The following CPSF4 variants were observed in gnomAD, a reference collection of about 807,000 sequenced individuals.
CPSF4 encodes the protein cleavage and polyadenylation specific factor 4.
CPSF4 carries 11 observed loss-of-function variants against 37.7 expected under a neutral mutation model. That is an observed-to-expected ratio of 0.29 (90% CI 0.18 to 0.48). The LOEUF is 0.48. CPSF4 is among the 20% of genes least tolerant of loss of function. CPSF4 has a pLI of 0.99. For missense variants in CPSF4, 144 were observed against 359.5 expected (o/e 0.40, Z 4.85); for synonymous variants, 132 against 135.9 (o/e 0.97, Z 0.20).
In CPSF4 at chr7:99,441,251, G is replaced by T. The variant is rs371414313; in HGVS notation, c.103+2066G>T. ...CGGGCATAAGCCACTGTGCCCAGCC[G>T]GCCTTTTCCTGTCTTGATGGCACTA... On this transcript the variant is annotated intron_variant, in intron 1 of 7. Transcript: ENST00000292476. The T allele has an allele frequency of 8.2e-6, 3 of 365,694 alleles. No individual in the cohort carries two copies. The Admixed American group carries it at 9.9e-5, about 12-fold the overall frequency. 22.7% of individuals were successfully genotyped at this position (365,694 alleles called of 1,614,324 possible).
At position 99,456,778 on chromosome 7, in the gene CPSF4, CAGGG is replaced by C. The variant is rs1194150149; in HGVS notation, c.*286_*289del. On this transcript the variant is annotated 3_prime_UTR_variant, in exon 8 of 8. Transcript: ENST00000292476. Reference sequence around the variant, plus strand: ...GACTCCCGGCACAACTCCCCTCATCCAGGGAGGGAGGCAGCTGCTGGGGAGGGGC... The same window carrying C: ...GACTCCCGGCACAACTCCCCTCATCCAGGGAGGCAGCTGCTGGGGAGGGGC... The C allele has an allele frequency of 1.3e-5, 7 of 519,124 alleles. No individual in the cohort carries two copies. Among genetic ancestry groups the C allele is most frequent in the Non-Finnish European group, 2.1e-5 (6 of 280,614 alleles). 32.2% of individuals were successfully genotyped at this position (519,124 alleles called of 1,614,324 possible).
At position 99,454,645 on chromosome 7, in the gene CPSF4, A is replaced by T. The variant is rs576765665; in HGVS notation, c.741+509A>T. ...ACTCCTGGCTCTGTGGGAAGCGGGG[A>T]AAGGGGAGGAAAATCTCTTGATAGT... On this transcript the variant is annotated intron_variant, in intron 7 of 7. Coordinates refer to ENST00000292476, the MANE Select transcript of CPSF4 (RefSeq NM_006693.4). 5.9e-5 allele frequency among the ~76,000 whole-genome samples: 9 copies of T among 152,236 alleles called. No individual in the cohort carries two copies. In the East Asian group the frequency reaches 1.7e-3, roughly 29 times the overall value.
chr7:99,454,423 T>C (rs1485553732), intron 7 of CPSF4, among the ~76,000 whole-genome samples: 2 of 151,828 alleles, frequency 1.3e-5, no homozygotes, highest in African/African-American at 2.4e-5. Flanking sequence ...GGGAACAAAA[T>C]AGAAACACTG....
At chr7:99,452,102 G>A (rs763837634) in intron 5 of CPSF4, among the ~76,000 whole-genome samples, 1 of 152,254 alleles carries the variant, frequency 6.6e-6, no homozygotes, top group Middle Eastern at 3.4e-3. Context: ...CACTGGCCAT[G>A]AGTCTCCCAG....
In CPSF4 at chr7:99,456,824, G is replaced by A; in HGVS notation, c.*324G>A. 2.3e-6 allele frequency: 1 copy of A among 438,490 alleles called. No individual in the cohort carries two copies. Among genetic ancestry groups the A allele is most frequent in the Non-Finnish European group, 4.3e-6 (1 of 233,278 alleles). 27.2% of individuals were successfully genotyped at this position (438,490 alleles called of 1,614,324 possible). A position where few individuals can be genotyped will look rare whatever the true frequency, so the allele number is the denominator to read the frequency against. Reference sequence around the variant, plus strand: ...GGGAGGGGCTTGGCTAGGTAGTTCTGTGTGGCGGTGGTCATTCCCCTCATT... The same window carrying A: ...GGGAGGGGCTTGGCTAGGTAGTTCTATGTGGCGGTGGTCATTCCCCTCATT... On this transcript the variant is annotated 3_prime_UTR_variant, in exon 8 of 8. Coordinates refer to ENST00000292476, the MANE Select transcript of CPSF4 (RefSeq NM_006693.4).
intron 7 of CPSF4, 27 bp downstream of exon 7, chr7:99,454,163 T>A (rs1798133723): frequency 6.3e-7 from 1 of 1,598,920 alleles, no homozygotes; most frequent in South Asian, 1.1e-5. Context: ...GGGGACAGGG[T>A]GGGGTCTTCC....
intron 1 of CPSF4, chr7:99,441,417 G>C: frequency 4.4e-6 from 2 of 456,308 alleles, no homozygotes; most frequent in Non-Finnish European, 8.8e-6. Flanking sequence ...GACACACCTA[G>C]CCATGGGTGT....
Position 99,439,081 on chromosome 7 carries a change from C to T in CPSF4, c.-2C>T. 1 of 1,607,816 alleles carries T rather than the reference C, an allele frequency of 6.2e-7. No homozygotes were observed. Among genetic ancestry groups the T allele is most frequent in the Middle Eastern group, 1.7e-4 (1 of 6,032 alleles). ...CGGGCCGGTGGGGCCGCCGCCGCCGCCATGCAGGAAATCATCGCCAGCGTG... is the reference window on the plus strand; with the variant it reads ...CGGGCCGGTGGGGCCGCCGCCGCCGTCATGCAGGAAATCATCGCCAGCGTG... On this transcript the variant is annotated 5_prime_UTR_variant, in exon 1 of 8. Coordinates refer to ENST00000292476, the MANE Select transcript of CPSF4 (RefSeq NM_006693.4).
At chr7:99,452,331 T>C (rs1333136166) in intron 5 of CPSF4, 37 bp from the exon 6 acceptor site, 2 of 1,579,028 alleles carry the variant, frequency 1.3e-6, no homozygotes. Flanking sequence ...CCCCACTCCT[T>C]CTCTTGTTCT....
At chr7:99,443,267 AAC>A (rs1229148592) in intron 1 of CPSF4, 1 of 778,292 alleles carries the variant, frequency 1.3e-6, no homozygotes, top group Non-Finnish European at 2.4e-6. Context: ...CTGCCACATC[AAC>A]AGTTTTTTTC....
rs947421640 is a variant in CPSF4 at position 99,453,899 on chromosome 7, T to C, written c.571-67T>C. 4 of 1,496,466 alleles carry C rather than the reference T, an allele frequency of 2.7e-6. No individual in the cohort carries two copies. The Admixed American group carries it at 5.4e-5, about 20-fold the overall frequency. The allele number at this position is 1,496,466 out of a possible 1,614,324, so 92.7% of individuals were successfully genotyped here. On this transcript the variant is annotated intron_variant, in intron 6 of 7. Transcript: ENST00000292476. This position sits in a 1 kb window ranked among gnomAD's most constrained non-coding sequence, Gnocchi z 4.7. ...GGACGAGTCCCGCCCTCTTTTTTCCTGTCCCCATCGGTAGTCTGCGTGCAC... is the reference window on the plus strand; with the variant it reads ...GGACGAGTCCCGCCCTCTTTTTTCCCGTCCCCATCGGTAGTCTGCGTGCAC...
chr7:99,442,914 C>G, intron 1 of CPSF4: 1 of 1,459,926 alleles, frequency 6.8e-7, no homozygotes, highest in Non-Finnish European at 9.6e-7. Flanking sequence ...TGCTCTTTTC[C>G]TCTTCTTTGC....
chr7:99,454,213 G>A (rs1271121242), intron 7 of CPSF4, 77 bp downstream of exon 7: 1 of 1,301,414 alleles, frequency 7.7e-7, no homozygotes, highest in Middle Eastern at 1.9e-4. Flanking sequence ...CCATGTGTTT[G>A]GTGAAATGAG....
chr7:99,454,233 A>G (rs45558438), intron 7 of CPSF4, 97 bp downstream of exon 7: 4 of 1,169,786 alleles, frequency 3.4e-6, no homozygotes, highest in Admixed American at 5.3e-5. Context: ...GAAAAATGAA[A>G]ACATTCATTT....
intron 5 of CPSF4, among the ~76,000 whole-genome samples, chr7:99,451,362 T>G (rs903659240): frequency 6.6e-6 from 1 of 152,150 alleles, no homozygotes; most frequent in African/African-American, 2.4e-5. Context: ...ATCCCATAAC[T>G]TTGGGAGGCA....
At chr7:99,444,903 A>T in intron 2 of CPSF4, 64 bp downstream of exon 2, 2 of 1,412,120 alleles carry the variant, frequency 1.4e-6, no homozygotes, top group Non-Finnish European at 2.0e-6. Context: ...TCTCCCCGGC[A>T]GACTTGGAGG....
Position 99,439,188 on chromosome 7 carries a change from G to T in CPSF4, c.103+3G>T. The T allele has an allele frequency of 6.3e-7, 1 of 1,596,226 alleles. No individual in the cohort carries two copies. ...GCTGCCCTTCCCCGGCATGGACAGT[G>T]AGCGCGGGGCCCGGGCGGGAGGGCA... On this transcript the variant is annotated splice_donor_region_variant and intron_variant, in intron 1 of 7. Transcript: ENST00000292476.
Position 99,453,727 on chromosome 7 carries a change from T to G in CPSF4, c.571-239T>G. 8.5e-5 allele frequency: 40 copies of G among 469,578 alleles called. No individual in the cohort carries two copies. The highest frequency in any genetic ancestry group is 3.1e-4 in the East Asian group (8 of 25,798). The allele number at this position is 469,578 out of a possible 1,614,324, so 29.1% of individuals were successfully genotyped here. A position where few individuals can be genotyped will look rare whatever the true frequency, so the allele number is the denominator to read the frequency against. On this transcript the variant is annotated intron_variant, in intron 6 of 7. Coordinates refer to ENST00000292476, the MANE Select transcript of CPSF4 (RefSeq NM_006693.4). This position sits in a 1 kb window ranked among gnomAD's most constrained non-coding sequence, Gnocchi z 4.7. ...CAGAGACCTCCTCTTGTCTCTTTGA[T>G]GTTTTGTTTTCTATTTTATTTTTCG... is the stretch of plus-strand genomic sequence containing the variant.
chr7:99,454,238 T>A, intron 7 of CPSF4, 102 bp downstream of exon 7: 1 of 1,112,428 alleles, frequency 9.0e-7, no homozygotes, highest in Non-Finnish European at 1.3e-6. Context: ...ATGAAAACAT[T>A]CATTTTTGCT....
Sources: allele counts gnomAD v4.1 joint callset (sites outside exome capture counted in the v4.1 genomes callset), GRCh38; gene constraint gnomAD v4.1.1; non-coding constraint Gnocchi (gnomAD v3.1); transcripts MANE v1.5; gene names NCBI Gene and HGNC (gene_info 2026-07-23, HGNC 2026-07-21).